Variants in AUP1 observed in about 807,000 individuals in gnomAD.
AUP1 encodes the protein AUP1 lipid droplet regulating VLDL assembly factor.
In AUP1, 30 loss-of-function variants were observed where a neutral mutation model predicts 51.8. That is an observed-to-expected ratio of 0.58 (90% CI 0.43 to 0.79). The LOEUF is 0.79. Among genes scored for constraint, AUP1 ranks in the 30% least tolerant of loss-of-function variants. The pLI is 0.00. For missense variants in AUP1, 492 were observed against 517.1 expected, an observed-to-expected ratio of 0.95 and a Z score of 0.47; for synonymous variants, 227 against 209.0, an observed-to-expected ratio of 1.09 and a Z score of -0.74.
intron 6 of AUP1, 46 bp downstream of exon 6, chr2:74,528,202 G>C (rs369751295): frequency 3.2e-6 from 5 of 1,570,894 alleles, no homozygotes; most frequent in Non-Finnish European, 4.4e-6. Context: ...CCTTGACCTT[G>C]AGGTGAGCCT....
chr2:74,527,415 A>G (rs956114750), intron 9 of AUP1, 52 bp from the exon 10 acceptor site: 2 of 1,611,398 alleles, frequency 1.2e-6, no homozygotes, highest in East Asian at 4.5e-5. Context: ...CTTCCTTCAC[A>G]ACCCACTTTT....
intron 10 of AUP1, 82 bp from the exon 11 acceptor site, chr2:74,527,141 C>CTATGCTAGG: frequency 6.2e-7 from 1 of 1,609,792 alleles, no homozygotes; most frequent in Non-Finnish European, 8.5e-7. Context: ...AAGAGAGGCA[C>CTATGCTAGG]TATGCTAGGG....
At chr2:74,528,728 C>A (rs746452532) in intron 4 of AUP1, 23 bp downstream of exon 4, 1 of 1,568,178 alleles carries the variant, frequency 6.4e-7, no homozygotes. Context: ...CCAGCTGGCG[C>A]CCCATACCTG....
chr2:74,529,406 G>A lies in AUP1; in HGVS notation c.144C>T (p.His48=). 1 of 1,600,248 alleles carries A rather than the reference G, an allele frequency of 6.2e-7. No homozygotes were observed. The highest frequency in any genetic ancestry group is 1.1e-5 in the South Asian group (1 of 89,332). Reference sequence around the variant, plus strand: ...GCAGCGCGCAGCTGACCAGGAAGACGTGGATCCCGAGAAAGAGGCGCAGGA... The same window carrying A: ...GCAGCGCGCAGCTGACCAGGAAGACATGGATCCCGAGAAAGAGGCGCAGGA... The part of the protein sequence containing the change: ...LLVLRLFLGI[H]VFLVSCALPD... The change falls in exon 2 of 12, where the codon CAC becomes CAT. Residue 48 remains histidine, a synonymous_variant. Transcript: ENST00000377526.
Position 74,527,603 on chromosome 2 carries a change from G to GA in AUP1, c.842-14dup. 1.9e-6 allele frequency: 3 copies of GA among 1,581,970 alleles called. No homozygotes were observed. The highest frequency in any genetic ancestry group is 1.2e-5 in the South Asian group (1 of 85,278). On this transcript the variant is annotated splice_polypyrimidine_tract_variant and intron_variant, in intron 8 of 11. Coordinates refer to ENST00000377526, the MANE Select transcript of AUP1 (RefSeq NM_181575.5). ...AAAGAAGACTGGGCTGTGGAAAAAG[G>GA]AAAAAAAGAAAAAAGAAATTCTGGT...
At chr2:74,529,080 G>C (rs764787115) in intron 3 of AUP1, 52 bp downstream of exon 3, 3 of 1,613,394 alleles carry the variant, frequency 1.9e-6, no homozygotes, top group East Asian at 4.5e-5. Context: ...GGGGCCTTCA[G>C]CTGGGCCCCA....
chr2:74,528,758 G>T lies in AUP1; in HGVS notation c.517C>A (p.Arg173Ser), dbSNP rs190881289. The change falls in exon 4 of 12, where the codon CGC becomes AGC. Residue 173 changes from arginine to serine, a missense_variant. Transcript: ENST00000377526. ...TACCTGTGCTAAACCCACCTGAAGC[G>T]CAGGAGCCCCTCCCGGCCATTGGTG... is the stretch of plus-strand genomic sequence containing the variant. ...EATNGREGLL[R>S]FSSWPFSIQD... The T allele has an allele frequency of 3.1e-6, 5 of 1,598,372 alleles. No homozygotes were observed. The African/African-American group carries it at 6.8e-5, about 22-fold the overall frequency.
chr2:74,527,393 C>A, intron 9 of AUP1, 30 bp from the exon 10 acceptor site: 1 of 1,612,702 alleles, frequency 6.2e-7, no homozygotes, highest in Non-Finnish European at 8.5e-7. Flanking sequence ...GAGTCCACTC[C>A]CTACTTACTT....
In AUP1 at chr2:74,529,438, G is replaced by C. The variant is rs1453749378; in HGVS notation, c.112C>G (p.Leu38Val). 1 of 1,575,530 alleles carries C rather than the reference G, an allele frequency of 6.3e-7. No individual in the cohort carries two copies. The highest frequency in any genetic ancestry group is 1.1e-5 in the South Asian group (1 of 86,996). Residue 38 changes from leucine (L) to valine (V), a missense_variant, in exon 2 of 12, where the codon CTC (leucine) becomes GTC (valine). Transcript: ENST00000377526. ...LLLYAPVGFC[L>V]LVLRLFLGIH... ...CCGAGAAAGAGGCGCAGGACGAGGA[G>C]GCAGAACCCGACTGGCGCGTAGAGC...
rs73949680 is a variant in AUP1, at chr2:74,529,115, G to A, written c.339+17C>T. 6,528 of 1,614,192 alleles carry A rather than the reference G, an allele frequency of 4.0e-3. 233 individuals carry two copies. The African/African-American group carries it at 0.077, about 19-fold the overall frequency. ...AGGGAACCGCCCCGTGGCGCTCTCG[G>A]CCTCGCTCTCACTCACGGTGCTACA... On this transcript the variant is annotated intron_variant, in intron 3 of 11. Coordinates refer to ENST00000377526, the MANE Select transcript of AUP1 (RefSeq NM_181575.5).
Position 74,529,652 on chromosome 2 carries a change from G to A in AUP1, c.-23C>T, listed in dbSNP as rs776716354. The A allele has an allele frequency of 6.5e-7, 1 of 1,548,184 alleles. No homozygotes were observed. Among genetic ancestry groups the A allele is most frequent in the Non-Finnish European group, 8.7e-7 (1 of 1,149,036 alleles). Reference sequence around the variant, plus strand: ...CATAACTGCTGCTTCAGGAGCGCCCGGCCGTCGCCGCCGCCGCCATTTTCG... The same window carrying A: ...CATAACTGCTGCTTCAGGAGCGCCCAGCCGTCGCCGCCGCCGCCATTTTCG... On this transcript the variant is annotated 5_prime_UTR_variant, in exon 1 of 12. Transcript: ENST00000377526.
rs937305815 is a variant in AUP1, at chr2:74,529,249, C to T, written c.222G>A (p.Gly74=). Residue 74 remains glycine, a synonymous_variant, in exon 3 of 12, where the codon GGG becomes GGA. Transcript: ENST00000377526. ...FVVRTMCAVL[G]LVARQEDSGL... ...CGGAGTCCTCCTGCCGGGCCACGAG[C>T]CCTAGCACCGCACACATGGTCCGCA... The T allele has an allele frequency of 1.9e-6, 3 of 1,614,104 alleles. No homozygotes were observed. The highest frequency in any genetic ancestry group is 2.7e-5 in the African/African-American group (2 of 74,946).
intron 4 of AUP1, 35 bp from the exon 5 acceptor site, chr2:74,528,524 A>G (rs760761807): frequency 1.3e-6 from 2 of 1,573,340 alleles, no homozygotes; most frequent in Non-Finnish European, 1.7e-6. Context: ...ATGGGAATCC[A>G]GCCAGCCTAG....
chr2:74,527,710 A>G, intron 8 of AUP1, 26 bp downstream of exon 8: 1 of 1,595,198 alleles, frequency 6.3e-7, no homozygotes, highest in Non-Finnish European at 8.5e-7. Flanking sequence ...AAACCCCAAA[A>G]GCTGTAATGT....
Position 74,529,460 on chromosome 2 carries a change from G to C in AUP1, c.90C>G (p.Leu30=), listed in dbSNP as rs376231592. 1,229 of 1,563,958 alleles carry C rather than the reference G, an allele frequency of 7.9e-4. 6 individuals are homozygous for C. Among genetic ancestry groups the C allele is most frequent in the Non-Finnish European group, 4.1e-4 (476 of 1,153,348 alleles). Residue 30 remains leucine, a synonymous_variant, in exon 2 of 12, where the codon CTC becomes CTG. Transcript: ENST00000377526. The part of the protein sequence containing the change: ...GDCFLLLVLL[L]YAPVGFCLLV... ...GGAGGCAGAACCCGACTGGCGCGTA[G>C]AGCAGCAGCACGAGCAGTAGGAAGC...
intron 4 of AUP1, 121 bp from the exon 5 acceptor site, chr2:74,528,610 A>C: frequency 7.2e-7 from 1 of 1,381,856 alleles, no homozygotes; most frequent in Non-Finnish European, 1.0e-6. Context: ...GAAGGGATTC[A>C]GGAGAAAGAA....
rs188931759 is a variant in AUP1 at position 74,527,016 on chromosome 2, G to A, written c.1121C>T (p.Thr374Ile). Residue 374 changes from threonine to isoleucine, a missense_variant, in exon 11 of 12, where the codon ACA becomes ATA. Physicochemically the swap from Thr to Ile is moderately conservative, Grantham distance 89. Transcript: ENST00000377526. ...GPVTPQPTAL[T>I]FAKSSWARQE... ...CCGGGCCCAGGAAGACTTGGCAAAT[G>A]TTAGGGCTGTTGGCTGAGGGGTCAC... is the stretch of plus-strand genomic sequence containing the variant. 26 of 1,614,172 alleles carry A rather than the reference G, an allele frequency of 1.6e-5. No homozygotes were observed. Among genetic ancestry groups the A allele is most frequent in the Admixed American group, 5.0e-5 (3 of 60,034 alleles).
In AUP1 at chr2:74,529,448, G is replaced by A. The variant is rs1257071119; in HGVS notation, c.102C>T (p.Val34=). 1.4e-5 allele frequency: 22 copies of A among 1,569,110 alleles called. No individual in the cohort carries two copies. Among genetic ancestry groups the A allele is most frequent in the Non-Finnish European group, 1.8e-5 (21 of 1,156,324 alleles). The change falls in exon 2 of 12, where the codon GTC becomes GTT. Residue 34 remains valine, a synonymous_variant. Transcript: ENST00000377526. Reference sequence around the variant, plus strand: ...GGCGCAGGACGAGGAGGCAGAACCCGACTGGCGCGTAGAGCAGCAGCACGA... The same window carrying A: ...GGCGCAGGACGAGGAGGCAGAACCCAACTGGCGCGTAGAGCAGCAGCACGA... ...LLLVLLLYAP[V]GFCLLVLRLF...
rs1393215001 is a variant in AUP1 at position 74,527,004 on chromosome 2, G to C, written c.1133C>G (p.Ser378Cys). ...PQPTALTFAK[S>C]SWARQESLQE... ...CAGGCTCTCCTGCCGGGCCCAGGAA[G>C]ACTTGGCAAATGTTAGGGCTGTTGG... The change falls in exon 11 of 12, where the codon TCT becomes TGT. Residue 378 changes from serine to cysteine, a missense_variant. Transcript: ENST00000377526. 6.2e-7 allele frequency: 1 copy of C among 1,614,170 alleles called. No individual in the cohort carries two copies. Among genetic ancestry groups the C allele is most frequent in the Admixed American group, 1.7e-5 (1 of 60,030 alleles).
Sources: gnomAD v4.1 joint callset for allele counts on GRCh38, gnomAD v4.1.1 for gene constraint, MANE v1.5 for transcripts, NCBI Gene and HGNC (gene_info 2026-07-23, HGNC 2026-07-21) for gene names.